The following NACC2 variants were observed in gnomAD, a reference collection of about 807,000 sequenced individuals.
NACC2 encodes nucleus accumbens-associated protein 2.
Under a neutral mutation model 25.1 loss-of-function variants are expected in NACC2, and 8 were observed. That is an observed-to-expected ratio of 0.32 (90% CI 0.19 to 0.57). NACC2 has a LOEUF of 0.57. Ranked by LOEUF, NACC2 falls within the 20% of genes least tolerant of loss-of-function variation. The pLI is 0.89. For missense variants in NACC2, 644 were observed against 650.2 expected, an observed-to-expected ratio of 0.99 and a Z score of 0.10; for synonymous variants, 435 against 294.7, an observed-to-expected ratio of 1.48 and a Z score of -4.88.
chr9:136,047,819 T>C (rs1241005246), intron 2 of NACC2, among the ~76,000 whole-genome samples: 3 of 152,196 alleles, frequency 2.0e-5, no homozygotes, highest in Non-Finnish European at 2.9e-5. Context: ...GTCCAGGCGA[T>C]GTGAGGGCTT....
chr9:136,076,769 G>T (rs1437969363), intron 1 of NACC2, among the ~76,000 whole-genome samples: 1 of 152,186 alleles, frequency 6.6e-6, no homozygotes, highest in Non-Finnish European at 1.5e-5. Context: ...AGCACTTTGG[G>T]AGGCTGAGGT....
chr9:136,062,843 G>T (rs1012587488), intron 1 of NACC2, among the ~76,000 whole-genome samples: 7 of 152,218 alleles, frequency 4.6e-5, no homozygotes, highest in African/African-American at 1.7e-4. Flanking sequence ...CCTAAGCCTG[G>T]GAGGCCGAGG....
rs180965533 is a variant in NACC2 at position 136,079,927 on chromosome 9, G to A, written c.-60+15262C>T. 2.7e-3 allele frequency among the ~76,000 whole-genome samples: 405 copies of A among 152,348 alleles called. 3 individuals carry two copies. The highest frequency in any genetic ancestry group is 9.2e-3 in the African/African-American group (383 of 41,582). On this transcript the variant is annotated intron_variant, in intron 1 of 5. Transcript: ENST00000277554. ...CCCTGCCACCTGTTCCCCAAGGAAAGCTTTTGGAGCTGTTCCCCAGGGAGA... is the reference window on the plus strand; with the variant it reads ...CCCTGCCACCTGTTCCCCAAGGAAAACTTTTGGAGCTGTTCCCCAGGGAGA...
intron 1 of NACC2, among the ~76,000 whole-genome samples, chr9:136,053,101 C>T (rs1199377727): frequency 6.6e-5 from 10 of 152,352 alleles, no homozygotes; most frequent in African/African-American, 1.4e-4. Flanking sequence ...CCACCACCCT[C>T]GGGGTAACCC....
chr9:136,091,683 G>T (rs778290803), intron 1 of NACC2, among the ~76,000 whole-genome samples: 2 of 152,150 alleles, frequency 1.3e-5, no homozygotes, highest in South Asian at 4.1e-4. Flanking sequence ...AACAGCAAAC[G>T]CAGGAAGGCC....
In NACC2 at chr9:136,019,728, C is replaced by A. The variant is rs531709358; in HGVS notation, c.887-3299G>T. Reference sequence around the variant, plus strand: ...GGCAGCCTCCCTGGACCACACGGGGCGAAGCAAACACAAGGACAAATGCTG... The same window carrying A: ...GGCAGCCTCCCTGGACCACACGGGGAGAAGCAAACACAAGGACAAATGCTG... On this transcript the variant is annotated intron_variant, in intron 2 of 5. Coordinates refer to ENST00000277554, the MANE Select transcript of NACC2 (RefSeq NM_144653.5). The surrounding 1 kb of genome is among the most constrained non-coding windows in gnomAD (Gnocchi z 5.2). 6.6e-6 allele frequency among the ~76,000 whole-genome samples: 1 copy of A among 152,088 alleles called. No individual in the cohort carries two copies. Among genetic ancestry groups the A allele is most frequent in the Non-Finnish European group, 1.5e-5 (1 of 68,006 alleles).
At chr9:136,043,604 T>C (rs1684707286) in intron 2 of NACC2, among the ~76,000 whole-genome samples, 1 of 152,168 alleles carries the variant, frequency 6.6e-6, no homozygotes. Flanking sequence ...GATCTACCGC[T>C]GCACGGTCTC....
intron 1 of NACC2, among the ~76,000 whole-genome samples, chr9:136,090,970 C>T (rs988504365): frequency 6.6e-6 from 1 of 152,184 alleles, no homozygotes; most frequent in Non-Finnish European, 1.5e-5. Flanking sequence ...AGGAGCTGGG[C>T]GGGCCCAGGA....
In NACC2 at chr9:136,090,413, T is replaced by C. The variant is rs564944378; in HGVS notation, c.-60+4776A>G. Among the ~76,000 whole-genome samples the C allele has an allele frequency of 7.9e-5, 12 of 152,092 alleles. No homozygotes were observed. The East Asian group carries it at 2.3e-3, about 30-fold the overall frequency. On this transcript the variant is annotated intron_variant, in intron 1 of 5. Transcript: ENST00000277554. ...CAGTGCCCAGGAGTGAGAAGGTAAC[T>C]CCTCCAGAAAACACCAGCCCACTGG...
chr9:136,094,968 G>T (rs11103328), intron 1 of NACC2, among the ~76,000 whole-genome samples: 25,989 of 146,026 alleles, frequency 0.18, 4,423 homozygotes, highest in African/African-American at 0.45. Context: ...CCCCGGCCCC[G>T]CCCGGCCCCC....
chr9:136,091,007 C>T (rs930479125), intron 1 of NACC2, among the ~76,000 whole-genome samples: 29 of 152,338 alleles, frequency 1.9e-4, no homozygotes, highest in African/African-American at 6.7e-4. Context: ...GGCCCTGTGC[C>T]CTCCTGGATG....
chr9:136,092,835 C>T (rs1464779458), intron 1 of NACC2, among the ~76,000 whole-genome samples: 5 of 152,164 alleles, frequency 3.3e-5, no homozygotes, highest in South Asian at 4.1e-4. Flanking sequence ...CTGTGGACTC[C>T]GACCCTCATC....
chr9:136,050,993 A>G (rs1157923604), intron 1 of NACC2, among the ~76,000 whole-genome samples: 2 of 152,134 alleles, frequency 1.3e-5, no homozygotes, highest in African/African-American at 4.8e-5. Context: ...TCCAGCCCGC[A>G]CAGGAGCTCC....
chr9:136,074,529 TTAA>T (rs1219549341), intron 1 of NACC2, among the ~76,000 whole-genome samples: 1 of 147,468 alleles, frequency 6.8e-6, no homozygotes, highest in Non-Finnish European at 1.5e-5. Flanking sequence ...TATAAAGATG[TTAA>T]TAATTTCTGA....
intron 1 of NACC2, among the ~76,000 whole-genome samples, chr9:136,074,327 C>A (rs904125451): frequency 3.1e-4 from 45 of 147,020 alleles, no homozygotes; most frequent in African/African-American, 1.1e-3. Context: ...GTGGTGGGCG[C>A]CTGTAGTCCC....
In NACC2 at chr9:136,091,482, C is replaced by T. The variant is rs555998846; in HGVS notation, c.-60+3707G>A. On this transcript the variant is annotated intron_variant, in intron 1 of 5. Coordinates refer to ENST00000277554, the MANE Select transcript of NACC2 (RefSeq NM_144653.5). ...GCCCCAGGAGCCCTGGGTCAGGGTC[C>T]CAAATGCCCTCCCCTACTCAGACTA... is the stretch of plus-strand genomic sequence containing the variant. Among the ~76,000 whole-genome samples, 136 of 152,326 alleles carry T rather than the reference C, an allele frequency of 8.9e-4. 2 individuals carry two copies. Among genetic ancestry groups the T allele is most frequent in the Non-Finnish European group, 8.7e-4 (59 of 68,022 alleles).
chr9:136,051,671 C>T (rs1296176401), intron 1 of NACC2, among the ~76,000 whole-genome samples: 3 of 152,042 alleles, frequency 2.0e-5, no homozygotes, highest in Non-Finnish European at 2.9e-5. Flanking sequence ...TGGACGCGCG[C>T]CGGGGGCGGC....
rs1840346639 is a variant in NACC2, at chr9:136,024,264, AGAGGGTGTGTGTGAGGACAGAGGGTGCG to A, written c.887-7863_887-7836del. ...GAGGACAGAGGGTGTGTGTGAGGAC[AGAGGGTGTGTGTGAGGACAGAGGGTGCG>A]TGTGTGTGAGGACAGAGGGTTTGTG... On this transcript the variant is annotated intron_variant, in intron 2 of 5. Transcript: ENST00000277554. 2.4e-5 allele frequency among the ~76,000 whole-genome samples: 2 copies of A among 83,288 alleles called. 1 individual carries two copies. The highest frequency in any genetic ancestry group is 1.1e-4 in the African/African-American group (2 of 18,742). 54.6% of individuals were successfully genotyped at this position (83,288 alleles called of 152,430 possible).
At chr9:136,016,237 A>T in intron 3 of NACC2, 28 bp downstream of exon 3, 1 of 1,610,968 alleles carries the variant, frequency 6.2e-7, no homozygotes, top group Non-Finnish European at 8.5e-7. Flanking sequence ...ACATTTGCAT[A>T]CAATAGATGG....
Sources: allele counts gnomAD v4.1 joint callset (sites outside exome capture counted in the v4.1 genomes callset), GRCh38; gene constraint gnomAD v4.1.1; non-coding constraint Gnocchi (gnomAD v3.1); transcripts MANE v1.5; gene names NCBI Gene and HGNC (gene_info 2026-07-23, HGNC 2026-07-21).